The following DOCK1 variants were observed in gnomAD, a reference collection of about 807,000 sequenced individuals.
DOCK1 encodes dedicator of cytokinesis 1.
DOCK1 carries 138 observed loss-of-function variants against 262.7 expected under a neutral mutation model. That is an observed-to-expected ratio of 0.53 (90% CI 0.46 to 0.61). The LOEUF is 0.61. Ranked by LOEUF, DOCK1 falls within the 20% of genes least tolerant of loss-of-function variation. The pLI, the probability that DOCK1 is intolerant of heterozygous loss-of-function variation, is 0.00. For missense variants in DOCK1, 1,908 were observed against 2,370.7 expected, an observed-to-expected ratio of 0.80 and a Z score of 4.05; for synonymous variants, 866 against 867.4, an observed-to-expected ratio of 1.00 and a Z score of 0.03.
intron 27 of DOCK1, 94 bp from the exon 28 acceptor site, chr10:127,247,914 T>G: frequency 8.1e-7 from 1 of 1,241,440 alleles, no homozygotes. Context: ...TGCTTCTCCC[T>G]GACAGTTTCA....
intron 7 of DOCK1, chr10:126,997,882 C>T: frequency 1.8e-6 from 1 of 568,980 alleles, no homozygotes. Context: ...AAATACTCAG[C>T]ACAGCAGTTG....
At chr10:127,044,750 C>T (rs566997875) in intron 21 of DOCK1, among the ~76,000 whole-genome samples, 3 of 152,300 alleles carry the variant, frequency 2.0e-5, no homozygotes, top group South Asian at 4.1e-4. Context: ...TCTTCATTGG[C>T]GCCAGCCTTT....
At chr10:127,416,971 C>A (rs1434676836) in intron 44 of DOCK1, among the ~76,000 whole-genome samples, 1 of 152,192 alleles carries the variant, frequency 6.6e-6, no homozygotes, top group African/African-American at 2.4e-5. Context: ...AGTGCAAGGA[C>A]AGTGACATCA....
chr10:127,392,922 A>G (rs1467105493), intron 38 of DOCK1, among the ~76,000 whole-genome samples: 1 of 152,152 alleles, frequency 6.6e-6, no homozygotes, highest in Non-Finnish European at 1.5e-5. Flanking sequence ...GCAGGGCTGG[A>G]TTTTCCTGTC....
rs1335951029 is a variant in DOCK1 at position 127,432,013 on chromosome 10, CTG to C, written c.4915-1267_4915-1266del. ...ATGGGAGCATGAACTCGATTGTAAA[CTG>C]TGCATGTGAGGGATCTGGGTTGTGC... On this transcript the variant is annotated intron_variant, in intron 47 of 51. Coordinates refer to ENST00000623213, the MANE Select transcript of DOCK1 (RefSeq NM_001290223.2). Among the ~76,000 whole-genome samples, 5 of 152,286 alleles carry C rather than the reference CTG, an allele frequency of 3.3e-5. No individual in the cohort carries two copies. The East Asian group carries it at 9.7e-4, about 29-fold the overall frequency.
In DOCK1 at chr10:127,000,278, C is replaced by T. The variant is rs768270400; in HGVS notation, c.956C>T (p.Ser319Leu). ...LRDNNTRKLT[S>L]GLRRPFGVAV... The stretch of plus-strand genomic sequence containing the variant: ...GACAACAACACCAGGAAACTGACCT[C>T]GGGGTTGCGGCGACCTTTTGGAGTG... Residue 319 changes from serine to leucine, a missense_variant, in exon 10 of 52, where the codon TCG (serine) becomes TTG (leucine). Transcript: ENST00000623213. The T allele has an allele frequency of 2.2e-5, 35 of 1,613,860 alleles. No homozygotes were observed. Among genetic ancestry groups the T allele is most frequent in the South Asian group, 9.9e-5 (9 of 91,076 alleles).
chr10:127,147,024 G>T (rs75817864), intron 27 of DOCK1, among the ~76,000 whole-genome samples: 1 of 152,134 alleles, frequency 6.6e-6, no homozygotes, highest in African/African-American at 2.4e-5. Flanking sequence ...CTGTTTTGTG[G>T]TCTTATTGGT....
In DOCK1 at chr10:127,109,253, C is replaced by A. The variant is rs537952704; in HGVS notation, c.2517-995C>A. On this transcript the variant is annotated intron_variant, in intron 24 of 51. Coordinates refer to ENST00000623213, the MANE Select transcript of DOCK1 (RefSeq NM_001290223.2). ...GGAATTACCATTTTATAGAACCTTGCCAGTATGACTGGTGAAACCGTATCT... is the reference window on the plus strand; with the variant it reads ...GGAATTACCATTTTATAGAACCTTGACAGTATGACTGGTGAAACCGTATCT... 2.0e-5 allele frequency among the ~76,000 whole-genome samples: 3 copies of A among 152,274 alleles called. No individual in the cohort carries two copies. In the South Asian group the frequency reaches 6.2e-4, roughly 32 times the overall value.
At chr10:127,092,348 A>G (rs946480160) in intron 23 of DOCK1, among the ~76,000 whole-genome samples, 9 of 152,164 alleles carry the variant, frequency 5.9e-5, no homozygotes, top group Non-Finnish European at 1.0e-4. Flanking sequence ...CGCTCCCGCC[A>G]CAGGGCCCCA....
intron 29 of DOCK1, among the ~76,000 whole-genome samples, chr10:127,325,527 C>T (rs561369034): frequency 2.0e-5 from 3 of 152,284 alleles, no homozygotes; most frequent in East Asian, 1.9e-4. Flanking sequence ...GTGGTACAGC[C>T]TGGATTTCAT....
At chr10:126,994,794 C>T (rs1024572405) in intron 6 of DOCK1, among the ~76,000 whole-genome samples, 22 of 152,230 alleles carry the variant, frequency 1.4e-4, no homozygotes, top group Middle Eastern at 3.2e-3. Context: ...TCGACAAAAC[C>T]GCCATCGTCA....
At chr10:127,159,234 T>TCACAGGA (rs2053369894) in intron 27 of DOCK1, among the ~76,000 whole-genome samples, 2 of 152,300 alleles carry the variant, frequency 1.3e-5, no homozygotes, top group South Asian at 4.2e-4. Flanking sequence ...CCACCTTTCT[T>TCACAGGA]CACAGGACTT....
At chr10:127,170,345 C>A (rs1186118332) in intron 27 of DOCK1, among the ~76,000 whole-genome samples, 1 of 152,198 alleles carries the variant, frequency 6.6e-6, no homozygotes, top group East Asian at 1.9e-4. Context: ...TCTCCCCCTA[C>A]CCCAAGCCTG....
chr10:127,228,744 T>A (rs567192450), intron 27 of DOCK1, among the ~76,000 whole-genome samples: 16 of 152,248 alleles, frequency 1.1e-4, no homozygotes, highest in Non-Finnish European at 2.4e-4. Flanking sequence ...ACACACATTC[T>A]CTAGCATATT....
intron 29 of DOCK1, among the ~76,000 whole-genome samples, chr10:127,307,871 G>A (rs1210907848): frequency 1.3e-5 from 2 of 152,232 alleles, no homozygotes; most frequent in Non-Finnish European, 2.9e-5. Flanking sequence ...CTGTCCGTGA[G>A]TTTTCCTGGA....
intron 1 of DOCK1, among the ~76,000 whole-genome samples, chr10:126,909,150 A>C (rs112981240): frequency 1.3e-3 from 197 of 152,324 alleles, no homozygotes; most frequent in African/African-American, 4.3e-3. Flanking sequence ...AGGCAGTCAG[A>C]AGATCCTATG....
chr10:127,195,490 C>G (rs1053217543), intron 27 of DOCK1, among the ~76,000 whole-genome samples: 1 of 152,150 alleles, frequency 6.6e-6, no homozygotes, highest in Non-Finnish European at 1.5e-5. Context: ...CTCTCCTCAA[C>G]GGCCGGCGTC....
chr10:127,159,493 A>T (rs1010827971), intron 27 of DOCK1, among the ~76,000 whole-genome samples: 1 of 152,130 alleles, frequency 6.6e-6, no homozygotes, highest in Non-Finnish European at 1.5e-5. Context: ...ACATACCTGA[A>T]TTTTTTTGTG....
At chr10:127,083,516 TG>T (rs1309294221) in intron 23 of DOCK1, among the ~76,000 whole-genome samples, 1 of 152,250 alleles carries the variant, frequency 6.6e-6, no homozygotes, top group African/African-American at 2.4e-5. Flanking sequence ...ACTCACTAAC[TG>T]AACTTCATAG....
Sources: gnomAD v4.1 joint callset for allele counts (sites outside exome capture counted in the v4.1 genomes callset) on GRCh38, gnomAD v4.1.1 for gene constraint, MANE v1.5 for transcripts, NCBI Gene and HGNC (gene_info 2026-07-23, HGNC 2026-07-21) for gene names.